ATP13A4: variants seen among roughly 807,000 people sequenced by gnomAD.
ATP13A4 encodes the protein probable cation-transporting ATPase 13A4.
A neutral mutation model predicts 142.5 loss-of-function variants in ATP13A4; 114 were observed. That is an observed-to-expected ratio of 0.80 (90% CI 0.69 to 0.93). The LOEUF is 0.93. ATP13A4 is among the 40% of genes least tolerant of loss of function. ATP13A4 has a pLI of 0.00. For synonymous variants in ATP13A4, 488 were observed against 514.8 expected (o/e 0.95, Z 0.70); for missense variants, 1,392 against 1,454.0 (o/e 0.96, Z 0.69).
intron 1 of ATP13A4, among the ~76,000 whole-genome samples, chr3:193,589,180 ATG>A (rs748201347): frequency 2.2e-4 from 33 of 151,322 alleles, no homozygotes; most frequent in Middle Eastern, 3.4e-3. Context: ...ATATATATAT[ATG>A]TGTGTGTGTG....
At chr3:193,428,060 C>T (rs1278185647) in intron 25 of ATP13A4, among the ~76,000 whole-genome samples, 1 of 152,078 alleles carries the variant, frequency 6.6e-6, no homozygotes, top group Non-Finnish European at 1.5e-5. Context: ...GGGCTAATAT[C>T]CAGAATCTAC....
intron 1 of ATP13A4, among the ~76,000 whole-genome samples, chr3:193,540,542 A>G (rs1168807409): frequency 6.6e-6 from 1 of 151,376 alleles, no homozygotes; most frequent in African/African-American, 2.4e-5. Flanking sequence ...AAAAAAAAAA[A>G]AAAAAAAAAA....
chr3:193,520,925 T>C (rs1721681040), intron 1 of ATP13A4, among the ~76,000 whole-genome samples: 1 of 152,142 alleles, frequency 6.6e-6, no homozygotes. Flanking sequence ...TTCCCAGCTT[T>C]GGAATGTCAC....
intron 3 of ATP13A4, among the ~76,000 whole-genome samples, chr3:193,502,098 C>A (rs952066382): frequency 1.3e-5 from 2 of 152,150 alleles, no homozygotes; most frequent in African/African-American, 4.8e-5. Flanking sequence ...CTGTGAATAG[C>A]CACTGCACTC....
intron 1 of ATP13A4, among the ~76,000 whole-genome samples, chr3:193,548,416 T>A (rs1175608129): frequency 6.6e-6 from 1 of 152,188 alleles, no homozygotes; most frequent in East Asian, 1.9e-4. Flanking sequence ...TAAATTTCAC[T>A]CCTCTAAAAT....
chr3:193,407,448 A>C, intron 28 of ATP13A4, 55 bp from the exon 29 acceptor site: 1 of 1,364,552 alleles, frequency 7.3e-7, no homozygotes, highest in South Asian at 1.2e-5. Context: ...TGCTGGAAAC[A>C]TGCTCACATG....
intron 2 of ATP13A4, among the ~76,000 whole-genome samples, chr3:193,577,264 G>T (rs1311383926): frequency 3.3e-5 from 5 of 152,190 alleles, no homozygotes. Flanking sequence ...TCTGTGATCT[G>T]TTCTGGACCT....
At chr3:193,530,478 C>T (rs1722255305) in intron 1 of ATP13A4, among the ~76,000 whole-genome samples, 1 of 152,186 alleles carries the variant, frequency 6.6e-6, no homozygotes, top group Admixed American at 6.5e-5. Flanking sequence ...ATATTCTCCC[C>T]ACGTTCCCTG....
At chr3:193,414,897 G>GA (rs1714975907) in intron 25 of ATP13A4, 147 bp from the exon 26 acceptor site, 7 of 787,464 alleles carry the variant, frequency 8.9e-6, no homozygotes, top group East Asian at 8.0e-5. Flanking sequence ...ACAATTAATG[G>GA]ACTCAAATTC....
At chr3:193,519,653 T>C (rs943242215) in intron 1 of ATP13A4, among the ~76,000 whole-genome samples, 1 of 127,808 alleles carries the variant, frequency 7.8e-6, no homozygotes, top group Non-Finnish European at 1.7e-5. Flanking sequence ...TTTTTTTTTT[T>C]TTTTAGACAG....
intron 1 of ATP13A4, among the ~76,000 whole-genome samples, chr3:193,528,696 ACTACAGAAGC>A (rs1183046095): frequency 5.9e-5 from 9 of 152,222 alleles, no homozygotes; most frequent in Admixed American, 5.2e-4. Flanking sequence ...TGCTCTTATT[ACTACAGAAGC>A]AATGCATGCA....
rs1560287435 is a variant in ATP13A4, at chr3:193,573,326, T to TAA, written n.291+8379_291+8380dup. 1.2e-3 allele frequency among the ~76,000 whole-genome samples: 91 copies of TAA among 78,058 alleles called. 2 individuals carry two copies. Among genetic ancestry groups the TAA allele is most frequent in the African/African-American group, 4.3e-3 (88 of 20,646 alleles). 51.2% of individuals were successfully genotyped at this position (78,058 alleles called of 152,430 possible). A position where few individuals can be genotyped will look rare whatever the true frequency, so the allele number is the denominator to read the frequency against. ...ATATATACATATATATATATATATA[T>TAA]AATTTGTATCTACTATGCTAGCAGC... is the stretch of plus-strand genomic sequence containing the variant. On this transcript the variant is annotated intron_variant and non_coding_transcript_variant, in intron 2 of 3. Transcript: ENST00000489140.
rs757402110 is a variant in ATP13A4, at chr3:193,514,865, A to G, written c.67T>C (p.Phe23Leu). ...NEGEENEMEI[F>L]GYRTQGCRKS... Reference sequence around the variant, plus strand: ...CGGCAGCCTTGAGTCCGATAGCCAAATATCTCCTGGGACAGAATCAAAATG... The same window carrying G: ...CGGCAGCCTTGAGTCCGATAGCCAAGTATCTCCTGGGACAGAATCAAAATG... The change falls in exon 2 of 30, where the codon TTT (phenylalanine) becomes CTT (leucine). Residue 23 changes from phenylalanine (F) to leucine (L), a missense_variant. Physicochemically the swap from Phe to Leu is conservative, Grantham distance 22. Coordinates refer to ENST00000342695, the MANE Select transcript of ATP13A4 (RefSeq NM_032279.4). The G allele has an allele frequency of 3.1e-6, 5 of 1,614,004 alleles. No individual in the cohort carries two copies. Among genetic ancestry groups the G allele is most frequent in the Non-Finnish European group, 4.2e-6 (5 of 1,179,956 alleles).
chr3:193,497,716 CT>C (rs1720322682), intron 3 of ATP13A4, among the ~76,000 whole-genome samples: 1 of 151,844 alleles, frequency 6.6e-6, no homozygotes, highest in Non-Finnish European at 1.5e-5. Flanking sequence ...TGTACATTTT[CT>C]TTGTGGAATG....
At chr3:193,500,548 C>T (rs1395012808) in intron 3 of ATP13A4, among the ~76,000 whole-genome samples, 1 of 152,128 alleles carries the variant, frequency 6.6e-6, no homozygotes, top group African/African-American at 2.4e-5. Context: ...TAAGGAGCAC[C>T]GTAACCTAGA....
chr3:193,545,092 A>G (rs1035884593), intron 1 of ATP13A4, among the ~76,000 whole-genome samples: 4 of 152,340 alleles, frequency 2.6e-5, no homozygotes, highest in Non-Finnish European at 2.9e-5. Context: ...TAAACATGAA[A>G]TAAGATAGTC....
intron 1 of ATP13A4, among the ~76,000 whole-genome samples, chr3:193,582,308 C>T (rs1479877292): frequency 6.7e-6 from 1 of 149,450 alleles, no homozygotes; most frequent in Non-Finnish European, 1.5e-5. Context: ...ACCACTACGC[C>T]CAGCTAATTT....
At chr3:193,487,218 T>C (rs1418015104) in intron 7 of ATP13A4, among the ~76,000 whole-genome samples, 2 of 151,344 alleles carry the variant, frequency 1.3e-5, no homozygotes, top group Non-Finnish European at 2.9e-5. Flanking sequence ...AACTGAGAGG[T>C]TTAGCGATAT....
intron 29 of ATP13A4, 136 bp from the exon 30 acceptor site, chr3:193,403,000 A>T (rs560397901): frequency 1.0e-5 from 8 of 795,728 alleles, no homozygotes; most frequent in African/African-American, 5.1e-5. Context: ...CACTGGACCA[A>T]TCTAAGGTGG....
Sources: gnomAD v4.1 joint callset for allele counts (sites outside exome capture counted in the v4.1 genomes callset) on GRCh38, gnomAD v4.1.1 for gene constraint, MANE v1.5 for transcripts, NCBI Gene and HGNC (gene_info 2026-07-23, HGNC 2026-07-21) for gene names.